The following TENM2 variants were observed in gnomAD, a reference collection of about 807,000 sequenced individuals.
TENM2 encodes the protein teneurin-2.
In TENM2, 52 loss-of-function variants were observed where a neutral mutation model predicts 245.2. That is an observed-to-expected ratio of 0.21 (90% CI 0.17 to 0.27). The LOEUF (loss-of-function observed/expected upper bound fraction) is 0.27. Among genes scored for constraint, TENM2 ranks in the 10% least tolerant of loss-of-function variants. The pLI, the probability that TENM2 is intolerant of heterozygous loss-of-function variation, is 1.00. For synonymous variants in TENM2, 1,363 were observed against 1,438.9 expected (o/e 0.95, Z 1.19); for missense variants, 3,046 against 3,666.8 (o/e 0.83, Z 4.37).
chr5:167,262,553 C>T, the TENM2 span, among the ~76,000 whole-genome samples: 1 of 151,916 alleles, frequency 6.6e-6, no homozygotes, highest in East Asian at 1.9e-4. Flanking sequence ...TGATAAAGTA[C>T]CTGTGTGGTA....
the TENM2 span, among the ~76,000 whole-genome samples, chr5:167,248,910 C>A: frequency 3.3e-5 from 5 of 151,806 alleles, no homozygotes; most frequent in Non-Finnish European, 7.4e-5. Context: ...AAATGAACAA[C>A]AAAAATGAAA....
intron 7 of TENM2, among the ~76,000 whole-genome samples, chr5:168,089,751 A>G (rs1045779647): frequency 3.9e-5 from 6 of 152,218 alleles, no homozygotes; most frequent in Non-Finnish European, 8.8e-5. Context: ...ATGAATGTAA[A>G]TAACACCAAG....
intron 2 of TENM2, among the ~76,000 whole-genome samples, chr5:167,762,934 A>G (rs1004570344): frequency 2.0e-5 from 3 of 152,332 alleles, no homozygotes; most frequent in Non-Finnish European, 2.9e-5. Context: ...CCAAAATTCA[A>G]TTGAACTGTC....
chr5:167,394,576 G>A (rs1582485), intron 2 of TENM2, among the ~76,000 whole-genome samples: 2 of 151,446 alleles, frequency 1.3e-5, no homozygotes, highest in Non-Finnish European at 2.9e-5. Context: ...ATGTATGTAT[G>A]TATTTATTTA....
chr5:167,092,119 T>C, the TENM2 span, among the ~76,000 whole-genome samples: 1 of 152,180 alleles, frequency 6.6e-6, no homozygotes, highest in African/African-American at 2.4e-5. Context: ...TCCTGCCCCC[T>C]GTTTTTGTGT....
At chr5:168,035,116 A>C (rs904150246) in intron 5 of TENM2, among the ~76,000 whole-genome samples, 1 of 152,200 alleles carries the variant, frequency 6.6e-6, no homozygotes, top group Non-Finnish European at 1.5e-5. Context: ...AAAGATTTTT[A>C]TGTTGATTTT....
At chr5:167,207,170 C>T in the TENM2 span, among the ~76,000 whole-genome samples, 1 of 152,190 alleles carries the variant, frequency 6.6e-6, no homozygotes, top group African/African-American at 2.4e-5. Context: ...TTTCAGTCTG[C>T]ATTCCATCAT....
intron 15 of TENM2, among the ~76,000 whole-genome samples, chr5:168,197,662 T>C (rs138009830): frequency 6.0e-4 from 86 of 142,922 alleles, no homozygotes; most frequent in African/African-American, 2.2e-3. Flanking sequence ...ATCATGCCAC[T>C]GCGCTCCAGC....
intron 2 of TENM2, among the ~76,000 whole-genome samples, chr5:167,626,943 T>C (rs1013494204): frequency 1.3e-5 from 2 of 152,154 alleles, no homozygotes; most frequent in Non-Finnish European, 2.9e-5. Flanking sequence ...CCGAAGACAA[T>C]GACTCTCTTT....
chr5:167,357,019 G>T (rs1393434168), intron 1 of TENM2, among the ~76,000 whole-genome samples: 1 of 152,130 alleles, frequency 6.6e-6, no homozygotes, highest in African/African-American at 2.4e-5. Context: ...TGAGCCTATT[G>T]TGTCCAATGG....
intron 2 of TENM2, among the ~76,000 whole-genome samples, chr5:167,698,895 G>T (rs1757964821): frequency 6.6e-6 from 1 of 151,824 alleles, no homozygotes; most frequent in African/African-American, 2.4e-5. Context: ...TGTTAGCCAG[G>T]ATGGTCTTGA....
intron 2 of TENM2, among the ~76,000 whole-genome samples, chr5:167,802,413 A>T (rs1054004053): frequency 2.6e-5 from 4 of 152,156 alleles, no homozygotes; most frequent in Admixed American, 1.3e-4. Flanking sequence ...TTTCCCTATT[A>T]CCAGTTACTA....
the TENM2 span, among the ~76,000 whole-genome samples, chr5:167,009,968 A>C: frequency 6.6e-6 from 1 of 152,208 alleles, no homozygotes; most frequent in Non-Finnish European, 1.5e-5. Context: ...ATCCCAAAAT[A>C]TAATTGAATT....
At chr5:168,248,010 G>A (rs1766749942) in exon 27 of TENM2, 2 of 1,613,868 alleles carry the variant, frequency 1.2e-6, no homozygotes, top group African/African-American at 1.3e-5. Context: ...TCTTTGCCAT[G>A]GAGAGCAGCA....
intron 2 of TENM2, among the ~76,000 whole-genome samples, chr5:167,652,891 T>A (rs1408866704): frequency 6.6e-6 from 1 of 152,218 alleles, no homozygotes; most frequent in African/African-American, 2.4e-5. Flanking sequence ...ACAACTCTGA[T>A]CATTTGATGT....
the TENM2 span, among the ~76,000 whole-genome samples, chr5:167,175,305 A>G: frequency 6.6e-6 from 1 of 152,368 alleles, no homozygotes; most frequent in Admixed American, 6.5e-5. Flanking sequence ...TGTTATATTG[A>G]TTAGAAAGTT....
chr5:167,100,992 T>C, the TENM2 span, among the ~76,000 whole-genome samples: 1 of 152,232 alleles, frequency 6.6e-6, no homozygotes, highest in African/African-American at 2.4e-5. Context: ...GTTCTGGAGA[T>C]ACATGTTTAA....
At chr5:167,431,699 A>G (rs1474859496) in intron 2 of TENM2, among the ~76,000 whole-genome samples, 2 of 151,904 alleles carry the variant, frequency 1.3e-5, no homozygotes, top group Non-Finnish European at 2.9e-5. Context: ...ATCCATGTAC[A>G]TATTAATCAT....
the TENM2 span, among the ~76,000 whole-genome samples, chr5:167,066,934 C>T: frequency 6.6e-6 from 1 of 152,028 alleles, no homozygotes; most frequent in Non-Finnish European, 1.5e-5. Flanking sequence ...GCACTCTAGG[C>T]CTCCATATGA....
Sources: gnomAD v4.1 joint callset for allele counts (sites outside exome capture counted in the v4.1 genomes callset) on GRCh38, gnomAD v4.1.1 for gene constraint, MANE v1.5 for transcripts, NCBI Gene and HGNC (gene_info 2026-07-23, HGNC 2026-07-21) for gene names.